Variants in CD109 observed in about 807,000 individuals in gnomAD.
CD109 encodes the protein CD109 molecule.
CD109 carries 149 observed loss-of-function variants against 165.8 expected under a neutral mutation model. That is an observed-to-expected ratio of 0.90 (90% CI 0.79 to 1.03). The LOEUF (loss-of-function observed/expected upper bound fraction) is 1.03, where lower values mean the gene tolerates loss of function less well. Among genes scored for constraint, CD109 ranks in the 50% least tolerant of loss-of-function variants. The pLI is 0.00. For missense variants in CD109, 1,712 were observed against 1,677.8 expected, an observed-to-expected ratio of 1.02 and a Z score of -0.36; for synonymous variants, 585 against 592.1, an observed-to-expected ratio of 0.99 and a Z score of 0.18.
intron 29 of CD109, among the ~76,000 whole-genome samples, chr6:73,812,860 A>G (rs3005483): frequency 0.41 from 62,957 of 151,966 alleles, 13,876 homozygotes; most frequent in Middle Eastern, 0.52. Flanking sequence ...AGATCATCTC[A>G]TTAGAACCCA....
intron 15 of CD109, among the ~76,000 whole-genome samples, chr6:73,773,431 T>A (rs1345275815): frequency 6.6e-6 from 1 of 152,102 alleles, no homozygotes; most frequent in Non-Finnish European, 1.5e-5. Context: ...TTTAATAAGC[T>A]TTTATTTAAT....
chr6:73,788,503 CT>C lies in CD109; in HGVS notation c.2594del (p.Leu865TyrfsTer2). ...GIEKSYSQSI[L>X]LDLTDNRLQS... ...TAGAAAAATCATATTCACAATCCAT[CT>C]TATTAGACTTGACTGACAATAGGCT... On this transcript the variant is annotated frameshift_variant, in exon 22 of 33. Coordinates refer to ENST00000287097, the MANE Select transcript of CD109 (RefSeq NM_133493.5). LOFTEE classifies it high-confidence loss of function. The C allele has an allele frequency of 1.2e-6, 2 of 1,611,512 alleles. No individual in the cohort carries two copies. The highest frequency in any genetic ancestry group is 1.7e-6 in the Non-Finnish European group (2 of 1,179,420).
Position 73,763,650 on chromosome 6 carries a change from A to G in CD109, c.1072A>G (p.Thr358Ala). The change falls in exon 10 of 33, where the codon ACT (threonine) becomes GCT (alanine). Residue 358 changes from threonine (T) to alanine (A), a missense_variant. Transcript: ENST00000287097. ...CATCATTGAGTTTTTTGATTATACT[A>G]CTGTCTTGAAGCCATCTCTCAACTT... ...DYIIEFFDYT[T>A]VLKPSLNFTA... is the part of the protein sequence containing the mutation. 6.3e-7 allele frequency: 1 copy of G among 1,592,914 alleles called. No individual in the cohort carries two copies. The highest frequency in any genetic ancestry group is 1.7e-4 in the Middle Eastern group (1 of 6,002).
intron 2 of CD109, chr6:73,723,044 T>G: frequency 1.2e-6 from 1 of 821,030 alleles, no homozygotes; most frequent in Non-Finnish European, 1.5e-6. Context: ...CTGATACCCT[T>G]TTAATCCTGA....
chr6:73,766,263 A>G (rs752841805), intron 11 of CD109, 109 bp downstream of exon 11: 63 of 827,276 alleles, frequency 7.6e-5, no homozygotes, highest in Non-Finnish European at 1.0e-4. Context: ...AAGTGGACAC[A>G]TGTTTCTGTT....
intron 2 of CD109, among the ~76,000 whole-genome samples, chr6:73,717,956 C>G (rs1771807409): frequency 6.6e-6 from 1 of 151,482 alleles, no homozygotes; most frequent in Non-Finnish European, 1.5e-5. Context: ...TATCCTGCAA[C>G]TAGACTGAGT....
intron 7 of CD109, among the ~76,000 whole-genome samples, chr6:73,760,189 CA>C (rs1338102199): frequency 6.6e-6 from 1 of 151,966 alleles, no homozygotes; most frequent in Non-Finnish European, 1.5e-5. Context: ...GGGCGGGTCA[CA>C]AGGTCAGGAG....
chr6:73,746,329 A>G (rs1772983777), intron 5 of CD109, among the ~76,000 whole-genome samples: 1 of 152,154 alleles, frequency 6.6e-6, no homozygotes, highest in African/African-American at 2.4e-5. Context: ...ATGAGTACCA[A>G]GTCCCTGGGT....
At chr6:73,802,198 AC>A (rs1775379411) in intron 23 of CD109, among the ~76,000 whole-genome samples, 1 of 147,330 alleles carries the variant, frequency 6.8e-6, no homozygotes, top group Non-Finnish European at 1.5e-5. Flanking sequence ...GTGAGCCTTA[AC>A]CCCCTACCTA....
chr6:73,696,212 C>A lies in CD109; in HGVS notation c.-4C>A. On this transcript the variant is annotated 5_prime_UTR_variant, in exon 1 of 33. Coordinates refer to ENST00000287097, the MANE Select transcript of CD109 (RefSeq NM_133493.5). Reference sequence around the variant, plus strand: ...GGACTGTAGCCCAGGCAGACGCCGTCGAGATGCAGGGCCCACCGCTCCTGA... The same window carrying A: ...GGACTGTAGCCCAGGCAGACGCCGTAGAGATGCAGGGCCCACCGCTCCTGA... 1 of 1,546,058 alleles carries A rather than the reference C, an allele frequency of 6.5e-7. No homozygotes were observed. The highest frequency in any genetic ancestry group is 8.7e-7 in the Non-Finnish European group (1 of 1,149,726).
At chr6:73,812,365 A>G in intron 29 of CD109, 95 bp downstream of exon 29, 1 of 764,362 alleles carries the variant, frequency 1.3e-6, no homozygotes, top group South Asian at 1.9e-5. Context: ...ACTTGAATAT[A>G]ATTCCTAATG....
At chr6:73,813,238 A>C (rs1279924874) in intron 29 of CD109, among the ~76,000 whole-genome samples, 1 of 152,178 alleles carries the variant, frequency 6.6e-6, no homozygotes, top group African/African-American at 2.4e-5. Flanking sequence ...ATCTTTACTA[A>C]CAAAGACCAT....
At position 73,766,154 on chromosome 6, in the gene CD109, G is replaced by A; in HGVS notation, c.1332G>A (p.Lys444=). ...ILEDSSELQL[K]AYFLGSKSSM... ...AGGATTCCAGTGAGCTACAGTTGAA[G>A]GTGCCGTCTGTTTCCCATCATTGTG... is the stretch of plus-strand genomic sequence containing the variant. The change falls in exon 11 of 33, where the codon AAG becomes AAA. Residue 444 remains lysine (K), a splice_region_variant and synonymous_variant. Transcript: ENST00000287097. 1 of 1,611,870 alleles carries A rather than the reference G, an allele frequency of 6.2e-7. No individual in the cohort carries two copies. The highest frequency in any genetic ancestry group is 8.5e-7 in the Non-Finnish European group (1 of 1,178,108).
chr6:73,764,172 G>A (rs560811832), intron 10 of CD109, among the ~76,000 whole-genome samples: 1 of 152,272 alleles, frequency 6.6e-6, no homozygotes, highest in Admixed American at 6.5e-5. Flanking sequence ...GAGCCAAGAA[G>A]GGCTCAGTCC....
At chr6:73,703,392 G>A (rs1771151036) in intron 2 of CD109, among the ~76,000 whole-genome samples, 1 of 152,182 alleles carries the variant, frequency 6.6e-6, no homozygotes, top group Admixed American at 6.5e-5. Flanking sequence ...GCCTCATAGA[G>A]TTTTGGAGCT....
At chr6:73,817,339 T>G (rs1775975862) in intron 30 of CD109, among the ~76,000 whole-genome samples, 1 of 152,170 alleles carries the variant, frequency 6.6e-6, no homozygotes, top group Non-Finnish European at 1.5e-5. Flanking sequence ...CATCTATATT[T>G]TTTTCTCATA....
chr6:73,768,130 T>C lies in CD109; in HGVS notation c.1573T>C (p.Trp525Arg). 1 of 1,611,828 alleles carries C rather than the reference T, an allele frequency of 6.2e-7. No homozygotes were observed. Among genetic ancestry groups the C allele is most frequent in the South Asian group, 1.1e-5 (1 of 91,008 alleles). Residue 525 changes from tryptophan (W) to arginine (R), a missense_variant, in exon 14 of 33, where the codon TGG becomes CGG. Transcript: ENST00000287097. ...TMFSLTPENS[W>R]TPKACVIVYY... ...GTTCTCTTTAACACCAGAAAATTCT[T>C]GGACTCCAAAAGCCTGTGTAATTGT...
intron 2 of CD109, among the ~76,000 whole-genome samples, chr6:73,709,522 T>C (rs568495489): frequency 3.1e-4 from 47 of 152,306 alleles, no homozygotes; most frequent in Admixed American, 2.6e-3. Context: ...AAGTAGTTTT[T>C]TCCAGTTCTG....
chr6:73,817,110 C>G (rs1222751682), intron 30 of CD109, among the ~76,000 whole-genome samples: 1 of 152,172 alleles, frequency 6.6e-6, no homozygotes, highest in Non-Finnish European at 1.5e-5. Flanking sequence ...TTCAGCAGCA[C>G]ATTATAAAAA....
Sources: gnomAD v4.1 joint callset for allele counts (sites outside exome capture counted in the v4.1 genomes callset) on GRCh38, gnomAD v4.1.1 for gene constraint, MANE v1.5 for transcripts, NCBI Gene and HGNC (gene_info 2026-07-23, HGNC 2026-07-21) for gene names.